DDX6: variants seen among roughly 807,000 people sequenced by gnomAD.
The protein encoded by DDX6 is probable ATP-dependent RNA helicase DDX6.
DDX6 carries 7 observed loss-of-function variants against 60.6 expected under a neutral mutation model. The observed-to-expected ratio is 0.12, with a 90% confidence interval of 0.07 to 0.22. DDX6 has a LOEUF of 0.22. Ranked by LOEUF, DDX6 falls within the 10% of genes least tolerant of loss-of-function variation. DDX6 has a pLI of 1.00. For synonymous variants in DDX6, 207 were observed against 201.0 expected (o/e 1.03, Z -0.25); for missense variants, 270 against 589.9 (o/e 0.46, Z 5.62).
intron 2 of DDX6, among the ~76,000 whole-genome samples, chr11:118,784,437 G>A (rs532736827): frequency 2.6e-5 from 4 of 151,862 alleles, no homozygotes; most frequent in African/African-American, 9.6e-5. Flanking sequence ...AAGATTCCCA[G>A]GGTTAAATTA....
At chr11:118,774,317 C>T (rs1202145028) in intron 4 of DDX6, among the ~76,000 whole-genome samples, 1 of 152,136 alleles carries the variant, frequency 6.6e-6, no homozygotes, top group African/African-American at 2.4e-5. Flanking sequence ...AATTATTCTA[C>T]TGGCCACAGC....
chr11:118,779,729 G>C lies in DDX6; in HGVS notation c.272C>G (p.Thr91Ser). Residue 91 changes from threonine (T) to serine (S), a missense_variant, in exon 4 of 14, where the codon ACC (threonine) becomes AGC (serine). Physicochemically the swap from Thr to Ser is moderately conservative, Grantham distance 58 (BLOSUM62 1). Around this residue, in one of 8 missense-constraint regions of DDX6, gnomAD observed 102 missense variants for 110.5 expected, o/e 0.92. Transcript: ENST00000534980. ...TTCAAACTCATTTCCTTTTGTGGAG[G>C]TCACATCCTAGTCAAACAAAAAGGA... ...KDLRIKTSDVTSTKGNEFEDY... is the reference protein window; with the variant it reads ...KDLRIKTSDVSSTKGNEFEDY... 1 of 1,603,418 alleles carries C rather than the reference G, an allele frequency of 6.2e-7. No individual in the cohort carries two copies. The highest frequency in any genetic ancestry group is 8.5e-7 in the Non-Finnish European group (1 of 1,173,516).
At position 118,758,908 on chromosome 11, in the gene DDX6, G is replaced by C. The variant is rs546989202; in HGVS notation, c.865-6C>G. On this transcript the variant is annotated splice_region_variant and splice_polypyrimidine_tract_variant and intron_variant, in intron 8 of 13. Transcript: ENST00000534980. ...GGTTTCTGCAAATGGGAATTCTGGG[G>C]GGGGAGCGGGAAAAAGATGAGTCGT... 14 of 1,613,028 alleles carry C rather than the reference G, an allele frequency of 8.7e-6. No individual in the cohort carries two copies. The highest frequency in any genetic ancestry group is 3.3e-4 in the Middle Eastern group (2 of 6,044).
At chr11:118,767,852 T>C (rs1366162326) in intron 5 of DDX6, 5 of 158,232 alleles carry the variant, frequency 3.2e-5, no homozygotes, top group Non-Finnish European at 4.2e-5. Flanking sequence ...AGGCTGGTCT[T>C]AAATATCTGG....
In DDX6 at chr11:118,788,026, G is replaced by A. The variant is rs1028896072; in HGVS notation, c.-267-1508C>T. 4.6e-5 allele frequency: 7 copies of A among 151,708 alleles called. No homozygotes were observed. In the Middle Eastern group the frequency reaches 0.01, roughly 221 times the overall value. The allele number at this position is 151,708 out of a possible 1,614,324, so 9.4% of individuals were successfully genotyped here. ...AGTTTAAAAAAAAAAAAAAGAACTG[G>A]TAGGAGGGGCACGGTAGCTCACGCC... On this transcript the variant is annotated intron_variant, in intron 1 of 13. Coordinates refer to ENST00000534980, the MANE Select transcript of DDX6 (RefSeq NM_004397.6).
chr11:118,778,061 A>G (rs1012360346), intron 4 of DDX6, among the ~76,000 whole-genome samples: 1 of 152,046 alleles, frequency 6.6e-6, no homozygotes, highest in South Asian at 2.1e-4. Flanking sequence ...TGGTGAGTAT[A>G]AGTCCATACT....
chr11:118,787,349 A>C (rs944569320), intron 1 of DDX6: 1 of 152,336 alleles, frequency 6.6e-6, no homozygotes, highest in Non-Finnish European at 1.5e-5. Flanking sequence ...GAGCGCCTGT[A>C]ATTCCAGCTA....
intron 13 of DDX6, among the ~76,000 whole-genome samples, chr11:118,753,301 A>T (rs1010568150): frequency 1.4e-5 from 2 of 142,562 alleles, no homozygotes; most frequent in South Asian, 2.4e-4. Flanking sequence ...AAGTGCTGGG[A>T]TTACAGGTGT....
chr11:118,786,073 T>C lies in DDX6; in HGVS notation c.179A>G (p.Gln60Arg). The C allele has an allele frequency of 6.2e-7, 1 of 1,614,004 alleles. No individual in the cohort carries two copies. The highest frequency in any genetic ancestry group is 2.2e-5 in the East Asian group (1 of 44,886). ...TINNGTQQQA[Q>R]SMTTTIKPGD... ...TTACTTAATAGTGGTGGTCATACTCTGTGCTTGCTGCTGAGTGCCATTATT... is the reference window on the plus strand; with the variant it reads ...TTACTTAATAGTGGTGGTCATACTCCGTGCTTGCTGCTGAGTGCCATTATT... The change falls in exon 2 of 14, where the codon CAG (glutamine) becomes CGG (arginine). Residue 60 changes from glutamine to arginine, a missense_variant. By Grantham distance (43) the Gln-to-Arg change is conservative (BLOSUM62 1). This residue lies in a region of DDX6 where 102 missense variants were observed against 110.5 expected (regional missense o/e 0.92). Transcript: ENST00000534980.
intron 1 of DDX6, chr11:118,788,257 C>T (rs948763197): frequency 1.3e-5 from 2 of 152,106 alleles, no homozygotes; most frequent in African/African-American, 4.8e-5. Context: ...GAGTCCAGAT[C>T]ATGCCATTGT....
intron 4 of DDX6, among the ~76,000 whole-genome samples, chr11:118,773,661 A>G (rs78342277): frequency 6.9e-6 from 1 of 145,584 alleles, no homozygotes; most frequent in East Asian, 2.0e-4. Context: ...GCTTAACAGG[A>G]AAAAAAAAAA....
chr11:118,764,928 A>G (rs1420899306), intron 6 of DDX6, among the ~76,000 whole-genome samples: 1 of 152,018 alleles, frequency 6.6e-6, no homozygotes, highest in African/African-American at 2.4e-5. Context: ...AATGTAGCCT[A>G]TTTGTCCACA....
Position 118,751,086 on chromosome 11 carries a change from TGA to T in DDX6, c.*1017_*1018del, listed in dbSNP as rs1860750910. The T allele has an allele frequency of 1.0e-5, 1 of 100,136 alleles. No homozygotes were observed. Among genetic ancestry groups the T allele is most frequent in the Admixed American group, 1.2e-4 (1 of 8,446 alleles). 6.2% of individuals were successfully genotyped at this position (100,136 alleles called of 1,614,324 possible). On this transcript the variant is annotated 3_prime_UTR_variant, in exon 14 of 14. Coordinates refer to ENST00000534980, the MANE Select transcript of DDX6 (RefSeq NM_004397.6). The stretch of plus-strand genomic sequence containing the variant: ...ATATATGTATATATATATATATATA[TGA>T]ACCCAGAAAAAAAACTTATTTACAA...
chr11:118,756,297 A>G lies in DDX6; in HGVS notation c.1137T>C (p.Asp379=), dbSNP rs1555158926. The G allele has an allele frequency of 1.2e-6, 2 of 1,613,676 alleles. No individual in the cohort carries two copies. Among genetic ancestry groups the G allele is most frequent in the Non-Finnish European group, 1.7e-6 (2 of 1,179,690 alleles). Residue 379 remains aspartate, a synonymous_variant, in exon 11 of 14, where the codon GAT becomes GAC. Transcript: ENST00000534980. Reference sequence around the variant, plus strand: ...GATTGCGGCATAAGCCATTTCGGAAATCATGAAATACACGATTTCGATGTT... The same window carrying G: ...GATTGCGGCATAAGCCATTTCGGAAGTCATGAAATACACGATTTCGATGTT... ...RQEHRNRVFH[D]FRNGLCRNLV...
At chr11:118,770,315 A>T (rs1861495059) in intron 4 of DDX6, among the ~76,000 whole-genome samples, 1 of 152,146 alleles carries the variant, frequency 6.6e-6, no homozygotes, top group Non-Finnish European at 1.5e-5. Flanking sequence ...GGCATGAGCC[A>T]CTGTGTCTGG....
chr11:118,784,969 T>G (rs768593933), intron 2 of DDX6, among the ~76,000 whole-genome samples: 21 of 152,224 alleles, frequency 1.4e-4, no homozygotes, highest in Non-Finnish European at 2.6e-4. Flanking sequence ...GGTTTCTCCA[T>G]GTTTGTCAGG....
chr11:118,778,663 G>A (rs1482572259), intron 4 of DDX6, among the ~76,000 whole-genome samples: 3 of 152,132 alleles, frequency 2.0e-5, no homozygotes, highest in Non-Finnish European at 4.4e-5. Flanking sequence ...AGGGAGAGGG[G>A]AAAGAGCAGT....
In DDX6 at chr11:118,751,912, G is replaced by A. The variant is rs1860786221; in HGVS notation, c.*193C>T. The stretch of plus-strand genomic sequence containing the variant: ...AGTCAGCACACAGTGCAAACAAGTG[G>A]AACAAAAAAGGTATATTCCTTCTTT... On this transcript the variant is annotated 3_prime_UTR_variant, in exon 14 of 14. Coordinates refer to ENST00000534980, the MANE Select transcript of DDX6 (RefSeq NM_004397.6). 2.3e-6 allele frequency: 1 copy of A among 427,470 alleles called. No individual in the cohort carries two copies. Among genetic ancestry groups the A allele is most frequent in the Non-Finnish European group, 4.6e-6 (1 of 215,546 alleles). 26.5% of individuals were successfully genotyped at this position (427,470 alleles called of 1,614,324 possible). A position where few individuals can be genotyped will look rare whatever the true frequency, so the allele number is the denominator to read the frequency against.
Position 118,762,286 on chromosome 11 carries a change from AT to A in DDX6, c.741+925del, listed in dbSNP as rs869248040. On this transcript the variant is annotated intron_variant, in intron 7 of 13. Coordinates refer to ENST00000534980, the MANE Select transcript of DDX6 (RefSeq NM_004397.6). Reference sequence around the variant, plus strand: ...GTGAGTCTGTCTCAAAAAAAAAAAAATAATAATAATAATAATAAACCTCAAC... The same window carrying A: ...GTGAGTCTGTCTCAAAAAAAAAAAAAAATAATAATAATAATAAACCTCAAC... Among the ~76,000 whole-genome samples the A allele has an allele frequency of 5.5e-4, 71 of 129,570 alleles. 2 individuals are homozygous for A. The highest frequency in any genetic ancestry group is 1.3e-3 in the African/African-American group (46 of 35,732). The allele number at this position is 129,570 out of a possible 152,430, so 85.0% of individuals were successfully genotyped here. A position where few individuals can be genotyped will look rare whatever the true frequency, so the allele number is the denominator to read the frequency against.
Sources: allele counts gnomAD v4.1 joint callset (sites outside exome capture counted in the v4.1 genomes callset), GRCh38; gene constraint gnomAD v4.1.1; regional missense constraint gnomAD v4.1.1; transcripts MANE v1.5; gene names NCBI Gene and HGNC (gene_info 2026-07-23, HGNC 2026-07-21).